Variants in UBOX5 observed in about 807,000 individuals in gnomAD.
UBOX5 encodes the protein U-box domain containing 5.
In UBOX5, 28 loss-of-function variants were observed where a neutral mutation model predicts 39.0. The ratio of observed to expected loss-of-function variants is 0.72; its 90% CI spans 0.53 to 0.98. The LOEUF (loss-of-function observed/expected upper bound fraction) is 0.98. Ranked by LOEUF, UBOX5 falls within the 50% of genes least tolerant of loss-of-function variation. The pLI is 0.00. For missense variants in UBOX5, 585 were observed against 674.4 expected, an observed-to-expected ratio of 0.87 and a Z score of 1.47; for synonymous variants, 283 against 275.5, an observed-to-expected ratio of 1.03 and a Z score of -0.27.
intron 1 of UBOX5, among the ~76,000 whole-genome samples, chr20:3,139,493 G>A (rs2066498423): frequency 6.6e-6 from 1 of 152,074 alleles, no homozygotes; most frequent in African/African-American, 2.4e-5. Context: ...GGGTTCAAGC[G>A]ATTCTCCTGC....
rs1391700864 is a variant in UBOX5 at position 3,121,367 on chromosome 20, A to T, written c.1255+17T>A. 1.1e-5 allele frequency: 17 copies of T among 1,592,230 alleles called. No homozygotes were observed. The highest frequency in any genetic ancestry group is 1.4e-5 in the Non-Finnish European group (16 of 1,168,312). On this transcript the variant is annotated intron_variant, in intron 3 of 4. Transcript: ENST00000217173. ...GAGATGGATGAGCCTGGCTGCGGAC[A>T]CAGGATGCTGAATTACCTGTCGAGC...
intron 1 of UBOX5, among the ~76,000 whole-genome samples, chr20:3,141,670 A>C (rs564128448): frequency 8.6e-5 from 13 of 151,604 alleles, no homozygotes; most frequent in African/African-American, 3.1e-4. Context: ...AATAAAAATA[A>C]AAAATAACTT....
intron 1 of UBOX5, among the ~76,000 whole-genome samples, chr20:3,145,955 A>G: frequency 6.6e-6 from 1 of 151,992 alleles, no homozygotes; most frequent in South Asian, 2.1e-4. Flanking sequence ...CTGAGGCAGG[A>G]GAACTGCCTG....
rs1286744521 is a variant in UBOX5, at chr20:3,152,945, G to A, written c.-42+6821C>T. On this transcript the variant is annotated intron_variant, in intron 1 of 4. Coordinates refer to ENST00000217173, the MANE Select transcript of UBOX5 (RefSeq NM_014948.4). Reference sequence around the variant, plus strand: ...AGATCCTAAAAAAATAGATTTAAAGGTCCCATTTTTTAAATAAAATAGCTG... The same window carrying A: ...AGATCCTAAAAAAATAGATTTAAAGATCCCATTTTTTAAATAAAATAGCTG... Among the ~76,000 whole-genome samples the A allele has an allele frequency of 2.6e-5, 4 of 151,706 alleles. 1 individual carries two copies. Among genetic ancestry groups the A allele is most frequent in the South Asian group, 4.2e-4 (2 of 4,802 alleles).
Position 3,109,829 on chromosome 20 carries a change from C to G in UBOX5, c.*277G>C. On this transcript the variant is annotated 3_prime_UTR_variant, in exon 5 of 5. Transcript: ENST00000217173. The stretch of plus-strand genomic sequence containing the variant: ...GGGCCCTCAGCAGGGGTCTTCCTGC[C>G]TAGGGTGGGGCTGGCTCCAGTGGGT... 2 of 512,762 alleles carry G rather than the reference C, an allele frequency of 3.9e-6. No homozygotes were observed. Among genetic ancestry groups the G allele is most frequent in the Non-Finnish European group, 7.1e-6 (2 of 282,284 alleles). The allele number at this position is 512,762 out of a possible 1,614,324, so 31.8% of individuals were successfully genotyped here.
chr20:3,119,058 A>C, intron 3 of UBOX5, among the ~76,000 whole-genome samples: 2 of 152,374 alleles, frequency 1.3e-5, no homozygotes, highest in Middle Eastern at 6.8e-3. Context: ...TTCTCTTAAT[A>C]TTATAAATAA....
At chr20:3,155,260 C>T (rs1347992226) in intron 1 of UBOX5, among the ~76,000 whole-genome samples, 1 of 150,570 alleles carries the variant, frequency 6.6e-6, no homozygotes, top group Non-Finnish European at 1.5e-5. Context: ...CTGGGCACAG[C>T]GGCTCAAGTC....
intron 1 of UBOX5, among the ~76,000 whole-genome samples, chr20:3,152,798 T>C (rs954489550): frequency 4.6e-5 from 7 of 150,678 alleles, no homozygotes; most frequent in Non-Finnish European, 7.4e-5. Context: ...CCCAGCTACT[T>C]GAGAGGCTGA....
intron 1 of UBOX5, among the ~76,000 whole-genome samples, chr20:3,135,602 G>A (rs899658121): frequency 2.0e-5 from 3 of 151,406 alleles, no homozygotes; most frequent in African/African-American, 4.9e-5. Context: ...TTAAATTACC[G>A]AGCCATAACT....
intron 1 of UBOX5, among the ~76,000 whole-genome samples, chr20:3,157,966 G>A (rs1036851464): frequency 7.3e-5 from 11 of 151,572 alleles, no homozygotes; most frequent in African/African-American, 2.4e-4. Flanking sequence ...TGCAATCTCC[G>A]CTCACTGCAT....
chr20:3,124,235 C>T (rs2066359822), intron 1 of UBOX5, among the ~76,000 whole-genome samples: 1 of 152,178 alleles, frequency 6.6e-6, no homozygotes, highest in Non-Finnish European at 1.5e-5. Flanking sequence ...TCTCCCCTCT[C>T]CCCTTTCTTC....
chr20:3,133,361 T>G (rs2066444531), intron 1 of UBOX5, among the ~76,000 whole-genome samples: 1 of 152,224 alleles, frequency 6.6e-6, no homozygotes, highest in Non-Finnish European at 1.5e-5. Context: ...GCCATGTAAC[T>G]TGAACTCACT....
intron 4 of UBOX5, chr20:3,110,636 C>T: frequency 2.6e-6 from 1 of 382,320 alleles, no homozygotes; most frequent in Non-Finnish European, 5.0e-6. Flanking sequence ...CGATAGGTGG[C>T]CAAGGCTGGA....
At chr20:3,121,321 G>A (rs1313935419) in intron 3 of UBOX5, 63 bp downstream of exon 3, 15 of 1,551,186 alleles carry the variant, frequency 9.7e-6, no homozygotes, top group Non-Finnish European at 1.3e-5. Context: ...AAGGGCAGCA[G>A]AGCTGAGAGC....
In UBOX5 at chr20:3,121,850, G is replaced by T; in HGVS notation, c.789C>A (p.Phe263Leu). 1 of 1,614,066 alleles carries T rather than the reference G, an allele frequency of 6.2e-7. No individual in the cohort carries two copies. Among genetic ancestry groups the T allele is most frequent in the Non-Finnish European group, 8.5e-7 (1 of 1,180,032 alleles). Residue 263 changes from phenylalanine (F) to leucine (L), a missense_variant, in exon 3 of 5, where the codon TTC becomes TTA. By Grantham distance (22) the Phe-to-Leu change is conservative. Coordinates refer to ENST00000217173, the MANE Select transcript of UBOX5 (RefSeq NM_014948.4). The part of the protein sequence containing the change: ...AEIIQDVPEE[F>L]LDPITLEIMP... Reference sequence around the variant, plus strand: ...TGATCTCCAGGGTGATGGGATCCAGGAACTCCTCAGGCACATCCTGAATGA... The same window carrying T: ...TGATCTCCAGGGTGATGGGATCCAGTAACTCCTCAGGCACATCCTGAATGA...
intron 1 of UBOX5, among the ~76,000 whole-genome samples, chr20:3,159,104 A>T (rs559251575): frequency 6.6e-6 from 1 of 152,314 alleles, no homozygotes; most frequent in South Asian, 2.1e-4. Context: ...GAGCTGTGTC[A>T]CGGTTTGCAC....
At chr20:3,132,007 C>CAAAAAA (rs35711232) in intron 1 of UBOX5, among the ~76,000 whole-genome samples, 1 of 52,156 alleles carries the variant, frequency 1.9e-5, no homozygotes, top group Non-Finnish European at 3.4e-5. Flanking sequence ...GACACTGTCT[C>CAAAAAA]AAAAAAAAAA....
At chr20:3,127,801 G>A (rs954106736) in intron 1 of UBOX5, among the ~76,000 whole-genome samples, 3 of 151,756 alleles carry the variant, frequency 2.0e-5, no homozygotes, top group Non-Finnish European at 2.9e-5. Flanking sequence ...GTGGGGGGAG[G>A]GTGTGTATGT....
chr20:3,133,029 G>T (rs909271899), intron 1 of UBOX5, among the ~76,000 whole-genome samples: 2 of 151,954 alleles, frequency 1.3e-5, no homozygotes, highest in African/African-American at 4.8e-5. Flanking sequence ...AACAACTCAG[G>T]ACTGAAGATC....
Sources: allele counts gnomAD v4.1 joint callset (sites outside exome capture counted in the v4.1 genomes callset), GRCh38; gene constraint gnomAD v4.1.1; transcripts MANE v1.5; gene names NCBI Gene and HGNC (gene_info 2026-07-23, HGNC 2026-07-21).